Variants in UNC13D observed in about 807,000 individuals in gnomAD.
UNC13D encodes unc-13 homolog D.
A neutral mutation model predicts 151.7 loss-of-function variants in UNC13D; 115 were observed. The ratio of observed to expected loss-of-function variants is 0.76; its 90% CI spans 0.65 to 0.88. The LOEUF (loss-of-function observed/expected upper bound fraction) is 0.88. Ranked by LOEUF, UNC13D falls within the 40% of genes least tolerant of loss-of-function variation. The probability of loss-of-function intolerance (pLI) is 0.00; values close to 1 mark genes in which losing one functional copy is unlikely to be tolerated. For missense variants in UNC13D, 1,369 were observed against 1,438.7 expected, an observed-to-expected ratio of 0.95 and a Z score of 0.78; for synonymous variants, 588 against 612.2, an observed-to-expected ratio of 0.96 and a Z score of 0.58.
chr17:75,844,293 C>A lies in UNC13D; in HGVS notation c.45G>T (p.Leu15Phe), dbSNP rs1468315530. ...LSHPQQRPPF[L>F]RQAIKIRRRR... The stretch of plus-strand genomic sequence containing the variant: ...GGCGCCTTATCTTGATGGCCTGGCG[C>A]AAGAAGGGAGGGCGCTGCTGCGGAT... Residue 15 changes from leucine (L) to phenylalanine (F), a missense_variant, in exon 1 of 32, where the codon TTG (leucine) becomes TTT (phenylalanine). Transcript: ENST00000207549. 6.2e-7 allele frequency: 1 copy of A among 1,612,820 alleles called. No individual in the cohort carries two copies. The highest frequency in any genetic ancestry group is 8.5e-7 in the Non-Finnish European group (1 of 1,179,938).
At chr17:75,829,224 A>T (rs2062143913) in intron 30 of UNC13D, among the ~76,000 whole-genome samples, 1 of 152,190 alleles carries the variant, frequency 6.6e-6, no homozygotes. Context: ...GTTACTGAGA[A>T]CCTCAGAGAC....
chr17:75,837,173 C>T (rs2064915425), intron 12 of UNC13D, among the ~76,000 whole-genome samples: 1 of 151,768 alleles, frequency 6.6e-6, no homozygotes, highest in Non-Finnish European at 1.5e-5. Context: ...TCAAGCGATT[C>T]TCCAGCCTCA....
chr17:75,840,129 G>A lies in UNC13D; in HGVS notation c.859-19C>T. The A allele has an allele frequency of 6.2e-7, 1 of 1,611,946 alleles. No individual in the cohort carries two copies. The highest frequency in any genetic ancestry group is 8.5e-7 in the Non-Finnish European group (1 of 1,179,302). On this transcript the variant is annotated intron_variant, in intron 10 of 31. Transcript: ENST00000207549. This position sits in a 1 kb window ranked among gnomAD's most constrained non-coding sequence, Gnocchi z 4.6. ...TGGCTCTCTGCAATGAGGCCTCTGTGAGCAGACAGGGCCTCACACTGGGTG... is the reference window on the plus strand; with the variant it reads ...TGGCTCTCTGCAATGAGGCCTCTGTAAGCAGACAGGGCCTCACACTGGGTG...
rs1441458812 is a variant in UNC13D at position 75,841,006 on chromosome 17, A to G, written c.570-5T>C. 1 of 1,613,756 alleles carries G rather than the reference A, an allele frequency of 6.2e-7. No individual in the cohort carries two copies. Among genetic ancestry groups the G allele is most frequent in the Non-Finnish European group, 8.5e-7 (1 of 1,179,916 alleles). ...TTGGTGATGTCCTCAAACTCCCTGT[A>G]TGGAGAAAAGGGCGTGGTTGAGGGC... On this transcript the variant is annotated splice_polypyrimidine_tract_variant and splice_region_variant and intron_variant, in intron 6 of 31. Transcript: ENST00000207549.
Position 75,843,662 on chromosome 17 carries a change from C to A in UNC13D, c.118-143G>T, listed in dbSNP as rs767784709. 27 of 1,493,726 alleles carry A rather than the reference C, an allele frequency of 1.8e-5. No homozygotes were observed. In the South Asian group the frequency reaches 3.0e-4, roughly 16 times the overall value. 92.5% of individuals were successfully genotyped at this position (1,493,726 alleles called of 1,614,324 possible). A position where few individuals can be genotyped will look rare whatever the true frequency, so the allele number is the denominator to read the frequency against. ...CCTCCAGCCCCAGTGATGCCCCGCA[C>A]CTGTTCCCCCAGCAGGCCTCCTGGA... On this transcript the variant is annotated intron_variant, in intron 1 of 31. Coordinates refer to ENST00000207549, the MANE Select transcript of UNC13D (RefSeq NM_199242.3).
chr17:75,827,947 C>T lies in UNC13D; in HGVS notation c.*18G>A, dbSNP rs886053421. On this transcript the variant is annotated 3_prime_UTR_variant, in exon 32 of 32. Coordinates refer to ENST00000207549, the MANE Select transcript of UNC13D (RefSeq NM_199242.3). ...CAAGTCCCCACCGGGGACCCAGCCC[C>T]ACCGCAAACCTCTACGGCTACGGTG... 6.8e-6 allele frequency: 11 copies of T among 1,608,432 alleles called. No homozygotes were observed. Among genetic ancestry groups the T allele is most frequent in the Non-Finnish European group, 8.5e-6 (10 of 1,178,808 alleles).
Position 75,834,481 on chromosome 17 carries a change from CT to C in UNC13D, c.2141del (p.Lys714SerfsTer15). 1 of 1,568,298 alleles carries C rather than the reference CT, an allele frequency of 6.4e-7. No homozygotes were observed. Among genetic ancestry groups the C allele is most frequent in the Non-Finnish European group, 8.6e-7 (1 of 1,158,508 alleles). Reference protein sequence around the residue: ...DMEQLRLVIGKLPAQLAWEAL... With the variant: ...DMEQLRLVIGXLPAQLAWEAL... ...CCTCCCATGCCAGCTGGGCGGGCAA[CT>C]TGCCGATCACCAGCCGCAGCTGCTC... On this transcript the variant is annotated frameshift_variant, in exon 23 of 32. Coordinates refer to ENST00000207549, the MANE Select transcript of UNC13D (RefSeq NM_199242.3). LOFTEE classifies it high-confidence loss of function.
Position 75,828,023 on chromosome 17 carries a change from C to T in UNC13D, c.3215G>A (p.Arg1072Lys), listed in dbSNP as rs1189424982. The change falls in exon 32 of 32, where the codon AGG becomes AAG. Residue 1072 changes from arginine to lysine, a missense_variant. By Grantham distance (26) the Arg-to-Lys change is conservative. Transcript: ENST00000207549. ...CTGCTTGGCCCGGTGCCGCCGCAGC[C>T]TCACAAAGACCTGGGCTTCTCGGTC... ...KGDREAQVFVRLRRHRAKQAS... is the reference protein window; with the variant it reads ...KGDREAQVFVKLRRHRAKQAS... The T allele has an allele frequency of 6.3e-7, 1 of 1,591,046 alleles. No homozygotes were observed. Among genetic ancestry groups the T allele is most frequent in the Admixed American group, 1.8e-5 (1 of 56,808 alleles).
Position 75,834,664 on chromosome 17 carries a change from CG to C in UNC13D, c.2044del (p.Arg682AlafsTer21). The C allele has an allele frequency of 6.2e-7, 1 of 1,613,756 alleles. No homozygotes were observed. The highest frequency in any genetic ancestry group is 8.5e-7 in the Non-Finnish European group (1 of 1,180,036). The stretch of plus-strand genomic sequence containing the variant: ...GTCCTTCTGGCCTGAAGAGAGCTCG[CG>C]GGCCCGGGCCTTTATAAGGCTGCAG... ...VYCSLIKARARELSSGQKDQG... is the reference protein window; with the variant it reads ...VYCSLIKARAXELSSGQKDQG... On this transcript the variant is annotated frameshift_variant, in exon 22 of 32. Coordinates refer to ENST00000207549, the MANE Select transcript of UNC13D (RefSeq NM_199242.3). LOFTEE classifies it high-confidence loss of function.
Position 75,827,800 on chromosome 17 carries a change from C to T in UNC13D, c.*165G>A. On this transcript the variant is annotated 3_prime_UTR_variant, in exon 32 of 32. Transcript: ENST00000207549. ...GATGTCGCTGCTGAGCCCCCATCAC[C>T]ATGGGAGGCAGGGGAGGTCTGCACT... 1 of 1,482,936 alleles carries T rather than the reference C, an allele frequency of 6.7e-7. No individual in the cohort carries two copies. The allele number at this position is 1,482,936 out of a possible 1,614,324, so 91.9% of individuals were successfully genotyped here. A position where few individuals can be genotyped will look rare whatever the true frequency, so the allele number is the denominator to read the frequency against.
chr17:75,841,135 CT>C (rs34691954), intron 6 of UNC13D, 134 bp from the exon 7 acceptor site: 32,023 of 295,708 alleles, frequency 0.11, 11 homozygotes, highest in East Asian at 0.17. Context: ...AGCCGCATCC[CT>C]TTTTTTTTTT....
rs1045585144 is a variant in UNC13D, at chr17:75,830,561, C to T, written c.2709+17G>A. 19 of 1,566,082 alleles carry T rather than the reference C, an allele frequency of 1.2e-5. No individual in the cohort carries two copies. Among genetic ancestry groups the T allele is most frequent in the East Asian group, 4.7e-5 (2 of 42,184 alleles). On this transcript the variant is annotated intron_variant, in intron 28 of 31. Coordinates refer to ENST00000207549, the MANE Select transcript of UNC13D (RefSeq NM_199242.3). ...TCCAGGGCCTGCAGAGGGCGCAGTG[C>T]GAGGGAGGGGCCTCACCTGCTGCTG... is the stretch of plus-strand genomic sequence containing the variant.
chr17:75,828,115 T>C lies in UNC13D; in HGVS notation c.3152-29A>G, dbSNP rs371148970. 1.1e-4 allele frequency: 171 copies of C among 1,566,918 alleles called. No individual in the cohort carries two copies. In the African/African-American group the frequency reaches 2.2e-3, roughly 20 times the overall value. ...CGGAGAGAGGGGTTTGGGGGTCAGA[T>C]GCCAGGGGAGAGGGCAGTGCCTGGT... is the stretch of plus-strand genomic sequence containing the variant. On this transcript the variant is annotated intron_variant, in intron 31 of 31. Coordinates refer to ENST00000207549, the MANE Select transcript of UNC13D (RefSeq NM_199242.3).
chr17:75,831,205 C>T, intron 26 of UNC13D, 36 bp from the exon 27 acceptor site: 1 of 1,614,132 alleles, frequency 6.2e-7, no homozygotes, highest in Non-Finnish European at 8.5e-7. Flanking sequence ...CAGGCACCCT[C>T]CCACCAGGGT....
chr17:75,827,495 C>G lies in UNC13D; in HGVS notation c.*470G>C, dbSNP rs555207051. 6.6e-7 allele frequency: 1 copy of G among 1,514,734 alleles called. No homozygotes were observed. Among genetic ancestry groups the G allele is most frequent in the East Asian group, 2.5e-5 (1 of 40,612 alleles). 93.8% of individuals were successfully genotyped at this position (1,514,734 alleles called of 1,614,324 possible). On this transcript the variant is annotated 3_prime_UTR_variant, in exon 32 of 32. Coordinates refer to ENST00000207549, the MANE Select transcript of UNC13D (RefSeq NM_199242.3). ...CTAGTAATGGCCACCACCCTCCCCCCAGGGCAGCTGGAGCCTCATCTTTGG... is the reference window on the plus strand; with the variant it reads ...CTAGTAATGGCCACCACCCTCCCCCGAGGGCAGCTGGAGCCTCATCTTTGG...
chr17:75,837,185 C>T (rs2064915510), intron 12 of UNC13D, among the ~76,000 whole-genome samples: 1 of 151,772 alleles, frequency 6.6e-6, no homozygotes, highest in Non-Finnish European at 1.5e-5. Context: ...CCAGCCTCAG[C>T]CTCCCAAGTA....
intron 30 of UNC13D, chr17:75,829,698 C>A: frequency 3.1e-6 from 1 of 326,590 alleles, no homozygotes. Flanking sequence ...TTAAGCAATT[C>A]TCCTGCCTCA....
At chr17:75,830,531 G>C (rs541986100) in intron 28 of UNC13D, 47 bp downstream of exon 28, 6 of 1,576,876 alleles carry the variant, frequency 3.8e-6, no homozygotes, top group Admixed American at 1.8e-5. Flanking sequence ...GCGGGAGCGG[G>C]GTGCTCCAGG....
chr17:75,830,191 C>G, intron 29 of UNC13D, 40 bp from the exon 30 acceptor site: 2 of 1,572,226 alleles, frequency 1.3e-6, no homozygotes, highest in Non-Finnish European at 1.7e-6. Context: ...CTGAGGGTCT[C>G]CCAGGCACCC....
Sources: allele counts gnomAD v4.1 joint callset (sites outside exome capture counted in the v4.1 genomes callset), GRCh38; gene constraint gnomAD v4.1.1; non-coding constraint Gnocchi (gnomAD v3.1); transcripts MANE v1.5; gene names NCBI Gene and HGNC (gene_info 2026-07-23, HGNC 2026-07-21).